The following GRID2 variants were observed in gnomAD, a reference collection of about 807,000 sequenced individuals.
GRID2 encodes the protein glutamate ionotropic receptor delta type subunit 2.
GRID2 carries 33 observed loss-of-function variants against 114.8 expected under a neutral mutation model. The observed-to-expected ratio is 0.29, with a 90% CI of 0.22 to 0.38. The LOEUF (loss-of-function observed/expected upper bound fraction) is 0.38, where lower values mean the gene tolerates loss of function less well. GRID2 is among the 10% of genes least tolerant of loss of function. The pLI is 1.00. For synonymous variants in GRID2, 505 were observed against 449.9 expected (o/e 1.12, Z -1.55); for missense variants, 1,184 against 1,257.7 (o/e 0.94, Z 0.89).
intron 8 of GRID2, among the ~76,000 whole-genome samples, chr4:93,310,199 G>A (rs1579627169): frequency 1.3e-5 from 2 of 152,124 alleles, no homozygotes; most frequent in Admixed American, 6.6e-5. Flanking sequence ...GGTTTCCAAA[G>A]TCAAATGTTT....
intron 1 of GRID2, among the ~76,000 whole-genome samples, chr4:92,502,216 CTATTT>C (rs1259983786): frequency 6.6e-6 from 1 of 151,914 alleles, no homozygotes; most frequent in Non-Finnish European, 1.5e-5. Context: ...AATTTCTTTT[CTATTT>C]TATAAGTTCA....
chr4:92,550,408 A>G (rs1726524858), intron 1 of GRID2, among the ~76,000 whole-genome samples: 1 of 152,208 alleles, frequency 6.6e-6, no homozygotes, highest in Non-Finnish European at 1.5e-5. Flanking sequence ...TCCATATTCC[A>G]CAGATGTTCA....
intron 6 of GRID2, among the ~76,000 whole-genome samples, chr4:93,223,464 C>G (rs1478347418): frequency 6.6e-6 from 1 of 152,144 alleles, no homozygotes; most frequent in East Asian, 1.9e-4. Context: ...GCATCAGACT[C>G]TAATTATCTC....
At chr4:93,415,923 T>G (rs749230342) in intron 9 of GRID2, among the ~76,000 whole-genome samples, 2 of 152,020 alleles carry the variant, frequency 1.3e-5, no homozygotes, top group South Asian at 2.1e-4. Context: ...TTTACTTTTA[T>G]CATTTGTAAT....
chr4:92,309,623 G>C (rs1289360750), intron 1 of GRID2, among the ~76,000 whole-genome samples: 1 of 151,630 alleles, frequency 6.6e-6, no homozygotes, highest in Non-Finnish European at 1.5e-5. Flanking sequence ...AAAATAGGTA[G>C]TTTTTATTTT....
intron 2 of GRID2, among the ~76,000 whole-genome samples, chr4:92,676,696 G>C (rs902661325): frequency 2.6e-5 from 4 of 151,876 alleles, no homozygotes; most frequent in African/African-American, 9.7e-5. Flanking sequence ...TGTATAATGA[G>C]ATGTTACATT....
At chr4:93,354,387 T>G (rs1761107733) in intron 8 of GRID2, among the ~76,000 whole-genome samples, 2 of 152,026 alleles carry the variant, frequency 1.3e-5, no homozygotes, top group Admixed American at 6.6e-5. Context: ...TCACAGAAGC[T>G]AAGAATGACA....
chr4:93,476,701 G>A (rs1046418172), intron 11 of GRID2, among the ~76,000 whole-genome samples: 8 of 152,052 alleles, frequency 5.3e-5, no homozygotes, highest in Admixed American at 3.3e-4. Context: ...ATATGTGTGT[G>A]GTTTTGACAA....
intron 2 of GRID2, among the ~76,000 whole-genome samples, chr4:92,942,636 C>T (rs1215211560): frequency 2.0e-5 from 3 of 152,132 alleles, no homozygotes; most frequent in Non-Finnish European, 2.9e-5. Flanking sequence ...TTATTTTGCT[C>T]ATTAGTTGAT....
chr4:93,405,978 CATT>C (rs1766372776), intron 9 of GRID2, among the ~76,000 whole-genome samples: 1 of 152,136 alleles, frequency 6.6e-6, no homozygotes, highest in African/African-American at 2.4e-5. Flanking sequence ...TAATAAATCT[CATT>C]GTTAGTATTT....
chr4:93,359,760 A>T (rs1241845358), intron 8 of GRID2, among the ~76,000 whole-genome samples: 2 of 134,180 alleles, frequency 1.5e-5, no homozygotes, highest in Non-Finnish European at 3.2e-5. Context: ...TAGCTCCAAC[A>T]TCATGGATAG....
intron 1 of GRID2, among the ~76,000 whole-genome samples, chr4:92,372,486 G>C (rs187948549): frequency 4.6e-5 from 7 of 152,114 alleles, no homozygotes; most frequent in Non-Finnish European, 1.0e-4. Flanking sequence ...CTCACAGAAG[G>C]TTCAGATGGT....
At chr4:92,591,555 G>A (rs1038790084) in intron 2 of GRID2, among the ~76,000 whole-genome samples, 3 of 152,112 alleles carry the variant, frequency 2.0e-5, no homozygotes, top group African/African-American at 7.2e-5. Flanking sequence ...TAACAAAGTT[G>A]GGCAGGATTT....
chr4:92,430,019 G>A (rs1732363431), intron 1 of GRID2, among the ~76,000 whole-genome samples: 1 of 152,100 alleles, frequency 6.6e-6, no homozygotes, highest in African/African-American at 2.4e-5. Flanking sequence ...TTGTCAGATT[G>A]ATAGTTTGCA....
intron 2 of GRID2, among the ~76,000 whole-genome samples, chr4:92,892,657 C>T (rs2149471250): frequency 6.6e-6 from 1 of 152,152 alleles, no homozygotes; most frequent in South Asian, 2.1e-4. Context: ...CAGTTCATGA[C>T]CCTGAGATTG....
intron 6 of GRID2, chr4:93,217,273 AT>A: frequency 6.3e-6 from 1 of 159,614 alleles, no homozygotes; most frequent in East Asian, 1.8e-4. Context: ...TAAGAAGGAC[AT>A]AGATATTTAT....
At chr4:92,350,112 T>A (rs1727991334) in intron 1 of GRID2, among the ~76,000 whole-genome samples, 1 of 151,972 alleles carries the variant, frequency 6.6e-6, no homozygotes, top group Admixed American at 6.6e-5. Context: ...TTTTTCTGTG[T>A]CTTGCTACTC....
chr4:93,677,614 G>A (rs951432085), intron 14 of GRID2, among the ~76,000 whole-genome samples: 5 of 152,080 alleles, frequency 3.3e-5, no homozygotes, highest in Admixed American at 6.5e-5. Context: ...AGCAGCATTC[G>A]CAGTTCATGA....
rs185803100 is a variant in GRID2, at chr4:92,364,033, C to T, written c.88+59289C>T. 1.6e-4 allele frequency among the ~76,000 whole-genome samples: 24 copies of T among 151,946 alleles called. No homozygotes were observed. The East Asian group carries it at 4.5e-3, about 28-fold the overall frequency. ...TGGGGATTTCACCATGTTGCCCAGG[C>T]TGGTCTCGAACTCCTAGCCTCAAGT... On this transcript the variant is annotated intron_variant, in intron 1 of 15. Transcript: ENST00000282020.
Sources: gnomAD v4.1 joint callset for allele counts (sites outside exome capture counted in the v4.1 genomes callset) on GRCh38, gnomAD v4.1.1 for gene constraint, MANE v1.5 for transcripts, NCBI Gene and HGNC (gene_info 2026-07-23, HGNC 2026-07-21) for gene names.